The following CALN1 variants were observed in gnomAD, a reference collection of about 807,000 sequenced individuals.
The protein encoded by CALN1 is calcium-binding protein 8.
A neutral mutation model predicts 30.6 loss-of-function variants in CALN1; 17 were observed. The ratio of observed to expected loss-of-function variants is 0.56; its 90% CI spans 0.38 to 0.83. The LOEUF (loss-of-function observed/expected upper bound fraction) is 0.83, where lower values mean the gene tolerates loss of function less well. CALN1 is among the 40% of genes least tolerant of loss of function. The probability of loss-of-function intolerance (pLI) is 0.00; values close to 1 mark genes in which losing one functional copy is unlikely to be tolerated. For missense variants in CALN1, 291 were observed against 354.9 expected (o/e 0.82, Z 1.45); for synonymous variants, 156 against 131.4 (o/e 1.19, Z -1.28).
chr7:71,933,681 G>A (rs761683311), intron 5 of CALN1, among the ~76,000 whole-genome samples: 21 of 152,114 alleles, frequency 1.4e-4, no homozygotes, highest in African/African-American at 3.1e-4. Flanking sequence ...GAAGCTTAAC[G>A]AAATGTGCAT....
chr7:72,256,096 G>A (rs1402699851), intron 3 of CALN1, among the ~76,000 whole-genome samples: 1 of 152,138 alleles, frequency 6.6e-6, no homozygotes, highest in Non-Finnish European at 1.5e-5. Flanking sequence ...ACAACTTGTG[G>A]GGACATTATT....
At chr7:72,156,413 G>A (rs1181785776) in intron 3 of CALN1, among the ~76,000 whole-genome samples, 1 of 152,196 alleles carries the variant, frequency 6.6e-6, no homozygotes, top group Non-Finnish European at 1.5e-5. Flanking sequence ...CTCTCCGGCA[G>A]CATCTGCCCA....
chr7:71,952,111 A>G (rs1045149764), intron 5 of CALN1, among the ~76,000 whole-genome samples: 4 of 152,200 alleles, frequency 2.6e-5, no homozygotes, highest in Non-Finnish European at 4.4e-5. Context: ...GAAGTATGAA[A>G]AATGAAGAGT....
At chr7:71,876,045 G>T (rs1792225914) in intron 5 of CALN1, among the ~76,000 whole-genome samples, 1 of 152,094 alleles carries the variant, frequency 6.6e-6, no homozygotes, top group African/African-American at 2.4e-5. Flanking sequence ...CCACACAAGT[G>T]ACTCCCTCTG....
At chr7:71,893,041 A>C (rs1165412099) in intron 5 of CALN1, among the ~76,000 whole-genome samples, 5 of 152,116 alleles carry the variant, frequency 3.3e-5, no homozygotes, top group Non-Finnish European at 7.4e-5. Flanking sequence ...TCTGTTTAAT[A>C]ACTCCTTTCT....
At chr7:72,399,809 G>A (rs1190541187) in intron 2 of CALN1, among the ~76,000 whole-genome samples, 1 of 152,176 alleles carries the variant, frequency 6.6e-6, no homozygotes. Flanking sequence ...TGGAGATGGG[G>A]CCTAGTGGGA....
At chr7:71,937,718 G>A (rs1795917950) in intron 5 of CALN1, among the ~76,000 whole-genome samples, 1 of 151,982 alleles carries the variant, frequency 6.6e-6, no homozygotes. Flanking sequence ...GGCTCAAGCA[G>A]TCCTCCCACC....
chr7:72,070,961 A>ATT (rs1454888711), intron 4 of CALN1, among the ~76,000 whole-genome samples: 2 of 152,228 alleles, frequency 1.3e-5, no homozygotes. Context: ...GATGGAGAAG[A>ATT]TGGCAAAGCA....
At chr7:71,938,003 G>T (rs1027268476) in intron 5 of CALN1, among the ~76,000 whole-genome samples, 1 of 152,208 alleles carries the variant, frequency 6.6e-6, no homozygotes, top group African/African-American at 2.4e-5. Context: ...CCCTTGGGAG[G>T]GTTAGGGAAA....
At chr7:72,284,668 T>C (rs1031322418) in intron 2 of CALN1, among the ~76,000 whole-genome samples, 5 of 152,218 alleles carry the variant, frequency 3.3e-5, no homozygotes, top group African/African-American at 9.6e-5. Flanking sequence ...TTTCACTATC[T>C]GATTCTCAGG....
chr7:72,088,931 C>T (rs959504450), intron 4 of CALN1, among the ~76,000 whole-genome samples: 1 of 151,658 alleles, frequency 6.6e-6, no homozygotes, highest in Non-Finnish European at 1.5e-5. Context: ...AAGTAGACTT[C>T]CTGAAAAATA....
At chr7:72,187,995 G>A (rs6957682) in intron 3 of CALN1, among the ~76,000 whole-genome samples, 34,831 of 152,038 alleles carry the variant, frequency 0.23, 4,479 homozygotes, top group Middle Eastern at 0.34. Flanking sequence ...TGGATGCGGT[G>A]AAAAGGAAAC....
chr7:71,955,166 G>A (rs1267762352), intron 5 of CALN1, among the ~76,000 whole-genome samples: 1 of 152,144 alleles, frequency 6.6e-6, no homozygotes, highest in African/African-American at 2.4e-5. Context: ...GCAGGCAGGA[G>A]AGAGTGAGAA....
At chr7:71,850,517 T>G (rs1322200566) in intron 5 of CALN1, among the ~76,000 whole-genome samples, 1 of 152,198 alleles carries the variant, frequency 6.6e-6, no homozygotes, top group Non-Finnish European at 1.5e-5. Context: ...TGTGCCAGCC[T>G]GACATTCTCT....
At chr7:72,134,746 TAAGAC>T (rs1254112422) in intron 3 of CALN1, among the ~76,000 whole-genome samples, 1 of 152,184 alleles carries the variant, frequency 6.6e-6, no homozygotes, top group Non-Finnish European at 1.5e-5. Context: ...TTTCTTAAAA[TAAGAC>T]AACAATGAAT....
At chr7:72,393,509 A>G (rs1397903584) in intron 2 of CALN1, among the ~76,000 whole-genome samples, 1 of 152,168 alleles carries the variant, frequency 6.6e-6, no homozygotes. Flanking sequence ...ACCATAACAT[A>G]TGAAGTATGT....
At chr7:72,305,847 A>C (rs981625606) in intron 2 of CALN1, among the ~76,000 whole-genome samples, 4 of 152,192 alleles carry the variant, frequency 2.6e-5, no homozygotes, top group African/African-American at 9.6e-5. Context: ...TTCCTGGCTT[A>C]CAAATGGCCA....
intron 2 of CALN1, among the ~76,000 whole-genome samples, chr7:72,281,902 C>T (rs186007494): frequency 1.1e-3 from 164 of 152,206 alleles, no homozygotes; most frequent in African/African-American, 3.7e-3. Flanking sequence ...CTGGTCACAA[C>T]TGAATCCCAC....
chr7:72,205,375 TA>T, intron 3 of CALN1, among the ~76,000 whole-genome samples: 1 of 150,878 alleles, frequency 6.6e-6, no homozygotes, highest in Middle Eastern at 3.4e-3. Context: ...TAATTTTTTG[TA>T]TTTTTAGTAG....
Sources: allele counts gnomAD v4.1 joint callset (sites outside exome capture counted in the v4.1 genomes callset), GRCh38; gene constraint gnomAD v4.1.1; transcripts MANE v1.5; gene names NCBI Gene and HGNC (gene_info 2026-07-23, HGNC 2026-07-21).